The following ACAP2 variants were observed in gnomAD, a reference collection of about 807,000 sequenced individuals.
ACAP2 encodes arf-GAP with coiled-coil, ANK repeat and PH domain-containing protein 2.
ACAP2 carries 39 observed loss-of-function variants against 115.8 expected under a neutral mutation model. The ratio of observed to expected loss-of-function variants is 0.34; its 90% CI spans 0.26 to 0.44. The LOEUF is 0.44. ACAP2 is among the 20% of genes least tolerant of loss of function. The probability of loss-of-function intolerance (pLI) is 1.00; values close to 1 mark genes in which losing one functional copy is unlikely to be tolerated. For synonymous variants in ACAP2, 289 were observed against 315.8 expected (o/e 0.92, Z 0.90); for missense variants, 662 against 927.6 (o/e 0.71, Z 3.72).
At chr3:195,430,145 A>C (rs1013869929) in intron 1 of ACAP2, among the ~76,000 whole-genome samples, 2 of 152,212 alleles carry the variant, frequency 1.3e-5, no homozygotes, top group Non-Finnish European at 2.9e-5. Flanking sequence ...TTCTGCCAAG[A>C]TGATCTGCCG....
At chr3:195,400,114 G>A (rs1298592224) in intron 1 of ACAP2, among the ~76,000 whole-genome samples, 1 of 151,616 alleles carries the variant, frequency 6.6e-6, no homozygotes, top group Non-Finnish European at 1.5e-5. Flanking sequence ...GGAGCCAAAG[G>A]TTGTGGTGAG....
chr3:195,337,935 C>CTGGGG (rs1730617764), intron 6 of ACAP2, among the ~76,000 whole-genome samples: 6 of 152,126 alleles, frequency 3.9e-5, no homozygotes, highest in African/African-American at 1.4e-4. Context: ...CAACCTGAGC[C>CTGGGG]CGGGGCCACT....
intron 4 of ACAP2, among the ~76,000 whole-genome samples, chr3:195,365,049 C>G (rs1732623845): frequency 6.6e-6 from 1 of 152,124 alleles, no homozygotes; most frequent in African/African-American, 2.4e-5. Flanking sequence ...CTCGCGTGTT[C>G]TCACTTATTT....
chr3:195,400,037 G>C (rs1191443496), intron 1 of ACAP2, among the ~76,000 whole-genome samples: 1 of 151,888 alleles, frequency 6.6e-6, no homozygotes, highest in Non-Finnish European at 1.5e-5. Flanking sequence ...AATTAGCCGG[G>C]TATGGTGGCG....
At chr3:195,374,753 C>T (rs1391999103) in intron 4 of ACAP2, among the ~76,000 whole-genome samples, 3 of 151,860 alleles carry the variant, frequency 2.0e-5, no homozygotes, top group African/African-American at 4.8e-5. Flanking sequence ...CACGCTCTGT[C>T]GCCCAGGCTG....
At chr3:195,362,283 T>C (rs1216870201) in intron 4 of ACAP2, among the ~76,000 whole-genome samples, 1 of 148,168 alleles carries the variant, frequency 6.7e-6, no homozygotes, top group Admixed American at 6.8e-5. Context: ...GCCACTGCAC[T>C]CTAGCCTGGG....
chr3:195,420,493 C>T (rs550497355), intron 1 of ACAP2, among the ~76,000 whole-genome samples: 6 of 151,922 alleles, frequency 3.9e-5, no homozygotes, highest in Admixed American at 2.0e-4. Context: ...GGACTATAGG[C>T]GCGTGCCACC....
intron 1 of ACAP2, among the ~76,000 whole-genome samples, chr3:195,402,253 G>A (rs1712370660): frequency 6.6e-6 from 1 of 152,028 alleles, no homozygotes; most frequent in African/African-American, 2.4e-5. Flanking sequence ...TGCGGCCTGG[G>A]GTCACGCAAA....
intron 4 of ACAP2, among the ~76,000 whole-genome samples, chr3:195,360,658 G>C (rs1732289716): frequency 6.6e-6 from 1 of 152,166 alleles, no homozygotes. Context: ...GCTGGGTGTG[G>C]TGGCACGTGC....
intron 4 of ACAP2, among the ~76,000 whole-genome samples, chr3:195,358,409 G>A (rs530090922): frequency 1.7e-4 from 26 of 152,106 alleles, no homozygotes; most frequent in African/African-American, 5.3e-4. Flanking sequence ...GGGGCAAATC[G>A]GAGCAATGGA....
At chr3:195,298,781 A>C (rs6791601) in intron 15 of ACAP2, among the ~76,000 whole-genome samples, 4 of 151,902 alleles carry the variant, frequency 2.6e-5, no homozygotes, top group Non-Finnish European at 4.4e-5. Flanking sequence ...ACAAGCATGC[A>C]CCACCACGCC....
At chr3:195,409,777 G>C (rs1375538353) in intron 1 of ACAP2, among the ~76,000 whole-genome samples, 1 of 149,334 alleles carries the variant, frequency 6.7e-6, no homozygotes, top group Non-Finnish European at 1.5e-5. Context: ...TCGGGAGGCT[G>C]AGGCAAGAGA....
chr3:195,424,508 A>G (rs988975410), intron 1 of ACAP2, among the ~76,000 whole-genome samples: 7 of 150,862 alleles, frequency 4.6e-5, no homozygotes, highest in Admixed American at 2.0e-4. Context: ...CATGTTGGCC[A>G]GTCTGGTCTT....
intron 8 of ACAP2, among the ~76,000 whole-genome samples, chr3:195,328,309 A>T (rs1009601322): frequency 5.3e-5 from 8 of 152,332 alleles, no homozygotes; most frequent in Non-Finnish European, 1.0e-4. Context: ...CTAAATTTTT[A>T]AAAAGTCTTT....
At chr3:195,383,647 G>C (rs1280826925) in intron 2 of ACAP2, among the ~76,000 whole-genome samples, 2 of 150,474 alleles carry the variant, frequency 1.3e-5, no homozygotes, top group Non-Finnish European at 3.0e-5. Context: ...AAAAAAAACT[G>C]ATCAATCCAA....
intron 15 of ACAP2, among the ~76,000 whole-genome samples, chr3:195,301,287 C>T (rs1323312816): frequency 1.3e-5 from 2 of 151,948 alleles, no homozygotes; most frequent in East Asian, 1.9e-4. Flanking sequence ...GGGGTTTCAC[C>T]GTGTTAGCCA....
At chr3:195,404,802 C>CT (rs938693453) in intron 1 of ACAP2, among the ~76,000 whole-genome samples, 113 of 139,712 alleles carry the variant, frequency 8.1e-4, no homozygotes, top group African/African-American at 9.4e-4. Context: ...ATAATTTTTT[C>CT]TTTTTTTTTT....
intron 1 of ACAP2, among the ~76,000 whole-genome samples, chr3:195,435,369 T>G (rs974348163): frequency 6.6e-6 from 1 of 151,986 alleles, no homozygotes; most frequent in Non-Finnish European, 1.5e-5. Flanking sequence ...GAGACGGGGT[T>G]TCACCATGTT....
rs1426823333 is a variant in ACAP2 at position 195,297,248 on chromosome 3, G to A, written c.1429C>T (p.Arg477Ter). 2 of 1,612,294 alleles carry A rather than the reference G, an allele frequency of 1.2e-6. No individual in the cohort carries two copies. Among genetic ancestry groups the A allele is most frequent in the Non-Finnish European group, 1.7e-6 (2 of 1,179,478 alleles). Residue 477 changes from arginine to a stop codon, truncating the protein, a stop_gained, in exon 16 of 23, where the codon CGA becomes TGA. Transcript: ENST00000326793. LOFTEE classifies it high-confidence loss of function. ...TTTTCCACATTAGCTTCATAAACTCGATTTATAACATCATTCCCCAACTCA... is the reference window on the plus strand; with the variant it reads ...TTTTCCACATTAGCTTCATAAACTCAATTTATAACATCATTCCCCAACTCA... ...MCELGNDVIN[R>*]VYEANVEKMG...
Sources: gnomAD v4.1 joint callset for allele counts (sites outside exome capture counted in the v4.1 genomes callset) on GRCh38, gnomAD v4.1.1 for gene constraint, MANE v1.5 for transcripts, NCBI Gene and HGNC (gene_info 2026-07-23, HGNC 2026-07-21) for gene names.